The following SLC45A2 variants were observed in gnomAD, a reference collection of about 807,000 sequenced individuals.
The protein encoded by SLC45A2 is solute carrier family 45 member 2.
In SLC45A2, 36 loss-of-function variants were observed where a neutral mutation model predicts 45.5. The ratio of observed to expected loss-of-function variants is 0.79; its 90% CI spans 0.61 to 1.04. The LOEUF (loss-of-function observed/expected upper bound fraction) is 1.04. Among genes scored for constraint, SLC45A2 ranks in the 50% least tolerant of loss-of-function variants. The pLI, the probability that SLC45A2 is intolerant of heterozygous loss-of-function variation, is 0.00. For synonymous variants in SLC45A2, 306 were observed against 269.3 expected, an observed-to-expected ratio of 1.14 and a Z score of -1.33; for missense variants, 719 against 671.0, an observed-to-expected ratio of 1.07 and a Z score of -0.79.
At position 33,964,136 on chromosome 5, in the gene SLC45A2, A is replaced by G. The variant is rs6451048; in HGVS notation, c.563-120T>C. ...AAGACAGCAGAGGCAACCTGGATAT[A>G]ATTGGAAAAGCAATACAGCAAGAGG... On this transcript the variant is annotated intron_variant, in intron 2 of 6. Coordinates refer to ENST00000296589, the MANE Select transcript of SLC45A2 (RefSeq NM_016180.5). 1 allele frequency: 990,261 copies of G among 991,824 alleles called. 494,370 individuals carry two copies. Among genetic ancestry groups the G allele is most frequent in the East Asian group, 1 (38,468 of 38,468 alleles). The allele number at this position is 991,824 out of a possible 1,614,324, so 61.4% of individuals were successfully genotyped here.
chr5:33,945,903 A>G, intron 6 of SLC45A2: 1 of 930,336 alleles, frequency 1.1e-6, no homozygotes, highest in Non-Finnish European at 1.3e-6. Flanking sequence ...AATGCCGGAA[A>G]GATTAACAAA....
chr5:33,964,025 C>G lies in SLC45A2; in HGVS notation c.563-9G>C. 2.5e-6 allele frequency: 4 copies of G among 1,613,288 alleles called. No homozygotes were observed. The highest frequency in any genetic ancestry group is 3.4e-6 in the Non-Finnish European group (4 of 1,179,472). Reference sequence around the variant, plus strand: ...CAGGGCACCTCCAAAACCTGGAAAGCAAGAAAAGCTATGTTAGCATATTTA... The same window carrying G: ...CAGGGCACCTCCAAAACCTGGAAAGGAAGAAAAGCTATGTTAGCATATTTA... On this transcript the variant is annotated splice_polypyrimidine_tract_variant and intron_variant, in intron 2 of 6. Transcript: ENST00000296589.
intron 5 of SLC45A2, 49 bp from the exon 6 acceptor site, chr5:33,947,423 A>G (rs374487532): frequency 1.2e-4 from 173 of 1,488,942 alleles, no homozygotes; most frequent in Non-Finnish European, 1.5e-4. Context: ...GCCTCATAAC[A>G]TTTAATAATT....
In SLC45A2 at chr5:33,971,980, G is replaced by A. The variant is rs1579555042; in HGVS notation, c.563-7964C>T. ...AGATGGGGTTTCACCATGGTGCCCAGGTCCACCTGCCTTGGCCTCCCACAG... is the reference window on the plus strand; with the variant it reads ...AGATGGGGTTTCACCATGGTGCCCAAGTCCACCTGCCTTGGCCTCCCACAG... On this transcript the variant is annotated intron_variant, in intron 2 of 6. Coordinates refer to ENST00000296589, the MANE Select transcript of SLC45A2 (RefSeq NM_016180.5). 1.1e-5 allele frequency: 5 copies of A among 451,164 alleles called. No individual in the cohort carries two copies. In the East Asian group the frequency reaches 2.8e-4, roughly 25 times the overall value. 27.9% of individuals were successfully genotyped at this position (451,164 alleles called of 1,614,324 possible).
rs146054661 is a variant in SLC45A2 at position 33,963,766 on chromosome 5, G to C, written c.813C>G (p.Ile271Met). Residue 271 changes from isoleucine (I) to methionine (M), a missense_variant, in exon 3 of 7, where the codon ATC becomes ATG. Transcript: ENST00000296589. Reference protein sequence around the residue: ...SSDGMYEYGSIEKVKNGYVNP... With the variant: ...SSDGMYEYGSMEKVKNGYVNP... ...TTACGTAACCATTTTTAACTTTCTC[G>C]ATAGAACCATACTCGTACATTCCAT... 3 of 1,614,074 alleles carry C rather than the reference G, an allele frequency of 1.9e-6. No individual in the cohort carries two copies. The highest frequency in any genetic ancestry group is 3.3e-5 in the Admixed American group (2 of 60,018).
intron 2 of SLC45A2, among the ~76,000 whole-genome samples, chr5:33,977,763 A>G (rs1579559411): frequency 6.6e-6 from 1 of 152,334 alleles, no homozygotes; most frequent in East Asian, 1.9e-4. Flanking sequence ...AAAATTATTC[A>G]GAGCACAGAG....
At chr5:33,977,004 C>A (rs79193264) in intron 2 of SLC45A2, among the ~76,000 whole-genome samples, 1,544 of 152,174 alleles carry the variant, frequency 0.01, 26 homozygotes, top group African/African-American at 0.035. Flanking sequence ...CTGTATTTGT[C>A]GACAAGGCCT....
chr5:33,947,225 T>C lies in SLC45A2; in HGVS notation c.1306A>G (p.Ser436Gly), dbSNP rs1398454787. ...VLCSLFGVMS[S>G]TLYTVPFNLI... ...TTAAAGGGCACAGTGTACAGGGTGC[T>C]GGACATTACACCAAACAGGCTGCAC... Residue 436 changes from serine (S) to glycine (G), a missense_variant, in exon 6 of 7, where the codon AGC becomes GGC. Ser to Gly is a moderately conservative substitution (Grantham distance 56, BLOSUM62 0). Transcript: ENST00000296589. The C allele has an allele frequency of 1.2e-6, 2 of 1,614,238 alleles. No homozygotes were observed. The highest frequency in any genetic ancestry group is 2.2e-5 in the East Asian group (1 of 44,884).
At chr5:33,972,821 T>G (rs949975891) in intron 2 of SLC45A2, among the ~76,000 whole-genome samples, 3 of 152,214 alleles carry the variant, frequency 2.0e-5, no homozygotes, top group African/African-American at 7.2e-5. Context: ...TTTGCTAATA[T>G]CGCATTTATT....
rs1157760243 is a variant in SLC45A2, at chr5:33,954,246, C to A, written c.1032+115G>T. 8 of 1,443,982 alleles carry A rather than the reference C, an allele frequency of 5.5e-6. No homozygotes were observed. In the East Asian group the frequency reaches 1.9e-4, roughly 34 times the overall value. The allele number at this position is 1,443,982 out of a possible 1,614,324, so 89.4% of individuals were successfully genotyped here. A position where few individuals can be genotyped will look rare whatever the true frequency, so the allele number is the denominator to read the frequency against. On this transcript the variant is annotated intron_variant, in intron 4 of 6. Transcript: ENST00000296589. ...CTGTAAGTCAGCTTCTTGATGGTACCCTTTCCTACATTCTTACTGTGCCAA... is the reference window on the plus strand; with the variant it reads ...CTGTAAGTCAGCTTCTTGATGGTACACTTTCCTACATTCTTACTGTGCCAA...
In SLC45A2 at chr5:33,984,325, C is replaced by T. The variant is rs1035373499; in HGVS notation, c.259G>A (p.Val87Met). 1 of 1,614,118 alleles carries T rather than the reference C, an allele frequency of 6.2e-7. No individual in the cohort carries two copies. Among genetic ancestry groups the T allele is most frequent in the Non-Finnish European group, 8.5e-7 (1 of 1,180,022 alleles). Residue 87 changes from valine (V) to methionine (M), a missense_variant, in exon 1 of 7, where the codon GTG (valine) becomes ATG (methionine). Physicochemically the swap from Val to Met is conservative, Grantham distance 21. Transcript: ENST00000296589. Reference sequence around the variant, plus strand: ...CAGTGGTCGCTGGCCGATCCGACCACGGGCTGCAGCAGGAATCCCAGGATG... The same window carrying T: ...CAGTGGTCGCTGGCCGATCCGACCATGGGCTGCAGCAGGAATCCCAGGATG... Reference protein sequence around the residue: ...SPILGFLLQPVVGSASDHCRS... With the variant: ...SPILGFLLQPMVGSASDHCRS...
intron 3 of SLC45A2, among the ~76,000 whole-genome samples, chr5:33,961,841 G>A (rs775106736): frequency 6.6e-5 from 10 of 152,118 alleles, no homozygotes; most frequent in Non-Finnish European, 7.4e-5. Flanking sequence ...CTAACAAGAC[G>A]GGGGGTATTA....
At chr5:33,962,943 A>G (rs947746364) in intron 3 of SLC45A2, among the ~76,000 whole-genome samples, 2 of 152,240 alleles carry the variant, frequency 1.3e-5, no homozygotes, top group African/African-American at 4.8e-5. Flanking sequence ...CAATTATTTC[A>G]TCAGTGTTGT....
intron 2 of SLC45A2, chr5:33,970,898 C>G (rs1397113249): frequency 5.4e-6 from 2 of 369,842 alleles, no homozygotes; most frequent in Admixed American, 7.1e-5. Context: ...TTCAGGACTA[C>G]AGCAAGAAGC....
chr5:33,948,821 A>G (rs1446237672), intron 5 of SLC45A2, among the ~76,000 whole-genome samples: 1 of 152,270 alleles, frequency 6.6e-6, no homozygotes, highest in East Asian at 1.9e-4. Flanking sequence ...GTATGCCAGC[A>G]GAGGAGAAGG....
rs1752110938 is a variant in SLC45A2, at chr5:33,951,807, G to A, written c.1033-130C>T. 2.7e-6 allele frequency: 3 copies of A among 1,123,826 alleles called. No homozygotes were observed. In the Admixed American group the frequency reaches 5.2e-5, roughly 20 times the overall value. 69.6% of individuals were successfully genotyped at this position (1,123,826 alleles called of 1,614,324 possible). ...GGGACCCTTTCTAGAGTACAGAGCT[G>A]ATGCTGTCATGACCAAGTCGCATCC... On this transcript the variant is annotated intron_variant, in intron 4 of 6. Coordinates refer to ENST00000296589, the MANE Select transcript of SLC45A2 (RefSeq NM_016180.5).
intron 3 of SLC45A2, 59 bp downstream of exon 3, chr5:33,963,632 C>G: frequency 6.4e-7 from 1 of 1,566,484 alleles, no homozygotes; most frequent in Non-Finnish European, 8.8e-7. Context: ...AAAAAAACAA[C>G]AACAACAACA....
chr5:33,952,782 C>T (rs1362657406), intron 4 of SLC45A2, among the ~76,000 whole-genome samples: 62 of 135,084 alleles, frequency 4.6e-4, no homozygotes, highest in African/African-American at 1.5e-3. Context: ...CATGCTGGTG[C>T]GCTGCACCCA....
At chr5:33,965,109 T>C (rs1182211351) in intron 2 of SLC45A2, among the ~76,000 whole-genome samples, 2 of 152,236 alleles carry the variant, frequency 1.3e-5, no homozygotes, top group Non-Finnish European at 2.9e-5. Flanking sequence ...ACAACTTATC[T>C]AGCTGAACAG....
Sources: gnomAD v4.1 joint callset for allele counts (sites outside exome capture counted in the v4.1 genomes callset) on GRCh38, gnomAD v4.1.1 for gene constraint, MANE v1.5 for transcripts, NCBI Gene and HGNC (gene_info 2026-07-23, HGNC 2026-07-21) for gene names.